Variants in RIMS3 observed in about 807,000 individuals in gnomAD.
RIMS3 encodes the protein regulating synaptic membrane exocytosis 3.
Under a neutral mutation model 29.2 loss-of-function variants are expected in RIMS3, and 15 were observed. The ratio of observed to expected loss-of-function variants is 0.51; its 90% CI spans 0.34 to 0.79. The LOEUF is 0.79. Among genes scored for constraint, RIMS3 ranks in the 30% least tolerant of loss-of-function variants. RIMS3 has a pLI of 0.01. For missense variants in RIMS3, 342 were observed against 421.4 expected, an observed-to-expected ratio of 0.81 and a Z score of 1.65; for synonymous variants, 161 against 170.1, an observed-to-expected ratio of 0.95 and a Z score of 0.41.
the RIMS3 span, among the ~76,000 whole-genome samples, chr1:40,672,119 T>TA: frequency 6.6e-6 from 1 of 151,508 alleles, no homozygotes; most frequent in Non-Finnish European, 1.5e-5. Context: ...AAGAACAGAC[T>TA]AATACAGTTG....
upstream of RIMS3, among the ~76,000 whole-genome samples, chr1:40,667,123 C>T (rs3820530): frequency 1.6e-3 from 243 of 152,264 alleles, 4 homozygotes; most frequent in East Asian, 0.042. Flanking sequence ...AGTCATCCTA[C>T]GCCTTCCCTT....
At chr1:40,659,740 T>C (rs893593746) in intron 1 of RIMS3, among the ~76,000 whole-genome samples, 9 of 152,192 alleles carry the variant, frequency 5.9e-5, no homozygotes, top group Non-Finnish European at 1.0e-4. Flanking sequence ...AGCTGGTATC[T>C]ATCTGAAGGA....
intron 5 of RIMS3, among the ~76,000 whole-genome samples, chr1:40,630,241 G>A (rs1189833731): frequency 1.3e-5 from 2 of 152,188 alleles, no homozygotes; most frequent in Non-Finnish European, 2.9e-5. Context: ...GTGGACGGCT[G>A]AGAAATCTTC....
chr1:40,636,605 T>C lies in RIMS3; in HGVS notation c.218-548A>G, dbSNP rs1450420530. ...TGGCCACTCTCAAACAAACCCACCTTCTCTAGGTGGGGCTGAACATGGAGA... is the reference window on the plus strand; with the variant it reads ...TGGCCACTCTCAAACAAACCCACCTCCTCTAGGTGGGGCTGAACATGGAGA... On this transcript the variant is annotated intron_variant, in intron 3 of 7. Transcript: ENST00000372684. This position sits in a 1 kb window ranked among gnomAD's most constrained non-coding sequence, Gnocchi z 4.2. 1.3e-5 allele frequency among the ~76,000 whole-genome samples: 2 copies of C among 151,912 alleles called. No individual in the cohort carries two copies. Among genetic ancestry groups the C allele is most frequent in the East Asian group, 3.9e-4 (2 of 5,176 alleles).
At chr1:40,634,954 AAC>A (rs1313331782) in intron 4 of RIMS3, among the ~76,000 whole-genome samples, 19 of 152,054 alleles carry the variant, frequency 1.2e-4, no homozygotes, top group African/African-American at 4.6e-4. Context: ...AAAAAAAAAA[AAC>A]AAAAAAAACA....
chr1:40,646,754 C>T (rs551012396), intron 2 of RIMS3, among the ~76,000 whole-genome samples: 2 of 152,202 alleles, frequency 1.3e-5, no homozygotes, highest in South Asian at 2.1e-4. Flanking sequence ...TGGCCTCTAC[C>T]CTGGGGTCTC....
At chr1:40,682,939 C>T in the RIMS3 span, among the ~76,000 whole-genome samples, 1,309 of 151,868 alleles carry the variant, frequency 8.6e-3, 17 homozygotes, top group African/African-American at 0.029. Flanking sequence ...TAGGGTTTCA[C>T]CATGTTGGCC....
intron 3 of RIMS3, among the ~76,000 whole-genome samples, chr1:40,638,876 C>T (rs929511158): frequency 2.0e-5 from 3 of 152,144 alleles, no homozygotes; most frequent in East Asian, 3.9e-4. Context: ...GTAAATTTCC[C>T]GAGGTCCCAT....
chr1:40,685,402 TGA>T, the RIMS3 span, among the ~76,000 whole-genome samples: 1 of 134,186 alleles, frequency 7.5e-6, no homozygotes, highest in Non-Finnish European at 1.6e-5. Context: ...AAATTTATTA[TGA>T]GAGGAAATGG....
chr1:40,629,339 C>T lies in RIMS3; in HGVS notation c.506G>A (p.Gly169Asp). 6.2e-7 allele frequency: 1 copy of T among 1,614,136 alleles called. No individual in the cohort carries two copies. The highest frequency in any genetic ancestry group is 8.5e-7 in the Non-Finnish European group (1 of 1,180,014). The change falls in exon 6 of 8, where the codon GGC becomes GAC. Residue 169 changes from glycine to aspartate, a missense_variant. By Grantham distance (94) the Gly-to-Asp change is moderately conservative (BLOSUM62 -1). Transcript: ENST00000372684. ...TTCAATCACTTCCACCTCCAGCTGG[C>T]CACTCCGGTCCATGATGGCAATGTG... Reference protein sequence around the residue: ...DVHIAIMDRSGQLEVEVIEAR... With the variant: ...DVHIAIMDRSDQLEVEVIEAR...
chr1:40,646,183 T>C (rs926656521), intron 2 of RIMS3, among the ~76,000 whole-genome samples: 10 of 152,346 alleles, frequency 6.6e-5, no homozygotes, highest in African/African-American at 2.4e-4. Flanking sequence ...AGTCTCTGAA[T>C]GCACATTGTA....
chr1:40,653,199 G>A (rs755855005), intron 1 of RIMS3, among the ~76,000 whole-genome samples: 1 of 152,184 alleles, frequency 6.6e-6, no homozygotes, highest in Non-Finnish European at 1.5e-5. Context: ...CAGGATTTGG[G>A]TGTGTTCTCC....
intron 6 of RIMS3, 51 bp downstream of exon 6, chr1:40,629,220 G>A (rs1646473224): frequency 1.4e-6 from 2 of 1,476,708 alleles, no homozygotes; most frequent in East Asian, 4.5e-5. Flanking sequence ...TAGACCCAGA[G>A]CTCGGCTCTA....
the RIMS3 span, among the ~76,000 whole-genome samples, chr1:40,685,505 A>G: frequency 6.6e-6 from 1 of 151,918 alleles, no homozygotes; most frequent in South Asian, 2.1e-4. Flanking sequence ...GAAGTGTCTC[A>G]GACTGCAATG....
the RIMS3 span, among the ~76,000 whole-genome samples, chr1:40,680,419 C>T: frequency 6.6e-6 from 1 of 151,438 alleles, no homozygotes; most frequent in South Asian, 2.1e-4. Flanking sequence ...GCAACCTCCG[C>T]CTTCTGGGTT....
the RIMS3 span, among the ~76,000 whole-genome samples, chr1:40,672,194 A>ATT: frequency 0.015 from 1,655 of 106,896 alleles, 84 homozygotes; most frequent in African/African-American, 0.041. Context: ...TAGCTAGATG[A>ATT]TTTTTTTTTT....
chr1:40,668,516 GAT>G (rs1642454379), upstream of RIMS3, among the ~76,000 whole-genome samples: 1 of 148,508 alleles, frequency 6.7e-6, no homozygotes, highest in African/African-American at 2.5e-5. Context: ...TGGTGGCGGA[GAT>G]CAAATGGGTG....
Position 40,636,202 on chromosome 1 carries a change from T to C in RIMS3, c.218-145A>G. ...AGGGCTCTGACTGGAGGCAGGGGCA[T>C]GGCTGAGCTGACCTCAGAGCTGGTC... On this transcript the variant is annotated intron_variant, in intron 3 of 7. Coordinates refer to ENST00000372684, the MANE Select transcript of RIMS3 (RefSeq NM_014747.3). This position sits in a 1 kb window ranked among gnomAD's most constrained non-coding sequence, Gnocchi z 4.2. The C allele has an allele frequency of 9.6e-7, 1 of 1,039,302 alleles. No individual in the cohort carries two copies. Among genetic ancestry groups the C allele is most frequent in the Non-Finnish European group, 1.4e-6 (1 of 712,274 alleles). 64.4% of individuals were successfully genotyped at this position (1,039,302 alleles called of 1,614,324 possible).
intron 3 of RIMS3, among the ~76,000 whole-genome samples, chr1:40,640,066 T>TC (rs1646545636): frequency 6.6e-6 from 1 of 152,072 alleles, no homozygotes; most frequent in Non-Finnish European, 1.5e-5. Flanking sequence ...TGGAAGACTG[T>TC]CCCCCCAAAT....
Sources: gnomAD v4.1 joint callset for allele counts (sites outside exome capture counted in the v4.1 genomes callset) on GRCh38, gnomAD v4.1.1 for gene constraint, Gnocchi (gnomAD v3.1) non-coding constraint, MANE v1.5 for transcripts, NCBI Gene and HGNC (gene_info 2026-07-23, HGNC 2026-07-21) for gene names.